The following ELF4 variants were observed in gnomAD, a reference collection of about 807,000 sequenced individuals.
ELF4 encodes the protein ETS-related transcription factor Elf-4.
A neutral mutation model predicts 31.7 loss-of-function variants in ELF4; 10 were observed. The ratio of observed to expected loss-of-function variants is 0.32; its 90% CI spans 0.19 to 0.54. The LOEUF is 0.54. ELF4 is among the 20% of genes least tolerant of loss of function. The pLI, the probability that ELF4 is intolerant of heterozygous loss-of-function variation, is 0.95. For synonymous variants in ELF4, 208 were observed against 226.7 expected, an observed-to-expected ratio of 0.92 and a Z score of 0.74; for missense variants, 418 against 522.0, an observed-to-expected ratio of 0.80 and a Z score of 1.94.
chrX:130,096,568 C>A, intron 1 of ELF4, among the ~76,000 whole-genome samples: 1 of 111,780 alleles, frequency 8.9e-6, no homozygotes, highest in Non-Finnish European at 1.9e-5. Flanking sequence ...GAAGTGTATG[C>A]TTTAAGAGGA....
chrX:130,070,947 A>G, intron 7 of ELF4, 93 bp downstream of exon 7: 4 of 1,115,005 alleles, frequency 3.6e-6, no homozygotes, highest in Non-Finnish European at 4.9e-6. Context: ...AGGATCAATC[A>G]GGTCTCCATG....
chrX:130,110,116 C>A (rs1452259096), intron 1 of ELF4, among the ~76,000 whole-genome samples: 2 of 111,750 alleles, frequency 1.8e-5, no homozygotes, highest in South Asian at 3.7e-4. Context: ...CTCGGGGAAT[C>A]CATTCCACTT....
chrX:130,082,184 C>T lies in ELF4; in HGVS notation c.-209-645G>A, dbSNP rs111228507. Reference sequence around the variant, plus strand: ...GGGGTGGTCACACCCATGCCTGCCTCGCTGTGGGGGTTGTATTGTGTGAGG... The same window carrying T: ...GGGGTGGTCACACCCATGCCTGCCTTGCTGTGGGGGTTGTATTGTGTGAGG... On this transcript the variant is annotated intron_variant, in intron 1 of 8. Coordinates refer to ENST00000308167, the MANE Select transcript of ELF4 (RefSeq NM_001421.4). 6.1e-3 allele frequency among the ~76,000 whole-genome samples: 678 copies of T among 111,195 alleles called. 6 individuals carry two copies. Among genetic ancestry groups the T allele is most frequent in the African/African-American group, 0.02 (624 of 30,533 alleles).
chrX:130,068,086 A>G (rs1932731126), intron 8 of ELF4, among the ~76,000 whole-genome samples: 2 of 112,258 alleles, frequency 1.8e-5, no homozygotes, highest in South Asian at 3.6e-4. Flanking sequence ...TGCTGGGATT[A>G]CAGGTGTGAG....
At chrX:130,079,231 G>A (rs1332825616) in intron 2 of ELF4, among the ~76,000 whole-genome samples, 3 of 110,670 alleles carry the variant, frequency 2.7e-5, no homozygotes, top group Admixed American at 9.6e-5. Context: ...GGCGAGGCGG[G>A]TGGATCACCT....
At chrX:130,110,510 C>T, upstream of ELF4, 1 of 109,256 alleles carries the variant, frequency 9.2e-6, no homozygotes, top group Non-Finnish European at 1.9e-5. Context: ...AAGTTGAGCG[C>T]GGCGCCCGGT....
chrX:130,105,007 A>C (rs1333626670), intron 1 of ELF4, among the ~76,000 whole-genome samples: 3 of 70,241 alleles, frequency 4.3e-5, no homozygotes, highest in African/African-American at 1.6e-4. Context: ...AAAAAATACA[A>C]AAAAAAAAGA....
chrX:130,072,981 G>T (rs760980990), intron 4 of ELF4, among the ~76,000 whole-genome samples: 27 of 112,199 alleles, frequency 2.4e-4, no homozygotes, highest in Admixed American at 5.7e-4. Flanking sequence ...CAATCTGGGG[G>T]AACCCTCCTG....
At chrX:130,067,589 A>C in intron 8 of ELF4, 64 bp from the exon 9 acceptor site, 1 of 1,055,138 alleles carries the variant, frequency 9.5e-7, no homozygotes, top group East Asian at 3.0e-5. Flanking sequence ...GTTAGGAAGG[A>C]GGGCACGAGA....
chrX:130,093,268 G>A (rs1433325752), intron 1 of ELF4, among the ~76,000 whole-genome samples: 1 of 104,836 alleles, frequency 9.5e-6, no homozygotes, highest in Non-Finnish European at 1.9e-5. Flanking sequence ...TCGCGCCATT[G>A]CACTCCAGCC....
intron 4 of ELF4, 49 bp from the exon 5 acceptor site, chrX:130,072,466 C>T (rs759271568): frequency 9.4e-6 from 11 of 1,173,875 alleles, no homozygotes; most frequent in South Asian, 3.6e-5. Flanking sequence ...AGGGCTGGAG[C>T]GGGGTCTCCC....
intron 8 of ELF4, among the ~76,000 whole-genome samples, chrX:130,068,386 A>G (rs1422543654): frequency 8.9e-6 from 1 of 112,246 alleles, no homozygotes; most frequent in Non-Finnish European, 1.9e-5. Flanking sequence ...TAGTGATTAC[A>G]CAGCCAGTAT....
chrX:130,066,727 G>A lies in ELF4; in HGVS notation c.1986C>T (p.Asp662=). 1 of 1,210,056 alleles carries A rather than the reference G, an allele frequency of 8.3e-7. No homozygotes were observed. Among genetic ancestry groups the A allele is most frequent in the Non-Finnish European group, 1.1e-6 (1 of 895,078 alleles). The part of the protein sequence containing the change: ...PTSLIKMEPH[D]I ...CTTGCCCTGACCCCTTTGCTTATAT[G>A]TCATGGGGCTCCATCTTAATGAGGG... Residue 662 remains aspartate, a synonymous_variant, in exon 9 of 9, where the codon GAC becomes GAT. Transcript: ENST00000308167.
chrX:130,103,607 C>T (rs1019000643), intron 1 of ELF4, among the ~76,000 whole-genome samples: 5 of 112,224 alleles, frequency 4.5e-5, no homozygotes, highest in Middle Eastern at 9.2e-3. Context: ...CTCTGTTATC[C>T]TCAGGGGGCA....
chrX:130,091,754 C>T (rs962798754), intron 1 of ELF4, among the ~76,000 whole-genome samples: 2 of 111,734 alleles, frequency 1.8e-5, no homozygotes, highest in Non-Finnish European at 3.8e-5. Context: ...TCGAGCAGGT[C>T]ACTTCTGCTT....
chrX:130,071,457 C>T, intron 5 of ELF4, 38 bp from the exon 6 acceptor site: 1 of 1,183,430 alleles, frequency 8.5e-7, no homozygotes, highest in Non-Finnish European at 1.1e-6. Flanking sequence ...GAGCAGCTCC[C>T]AAGAGAGGGC....
chrX:130,067,601 G>T, intron 8 of ELF4, 76 bp from the exon 9 acceptor site: 1 of 996,400 alleles, frequency 1.0e-6, no homozygotes, highest in Non-Finnish European at 1.4e-6. Context: ...GGCACGAGAG[G>T]AATGGAGCTG....
chrX:130,099,403 G>A (rs775464149), intron 1 of ELF4, among the ~76,000 whole-genome samples: 5 of 110,799 alleles, frequency 4.5e-5, no homozygotes, highest in African/African-American at 9.9e-5. Flanking sequence ...GTGAAACCCC[G>A]TCTCTACTAA....
rs1229678782 is a variant in ELF4, at chrX:130,069,393, T to G, written c.1094A>C (p.Glu365Ala). Reference sequence around the variant, plus strand: ...CTCCTCGTCTAGCGACGGTCCCAATTCCAGACTCGCAGATGGCTGGAGACC... The same window carrying G: ...CTCCTCGTCTAGCGACGGTCCCAATGCCAGACTCGCAGATGGCTGGAGACC... ...HVGLQPSASL[E>A]LGPSLDEEIP... Residue 365 changes from glutamate to alanine, a missense_variant, in exon 8 of 9, where the codon GAA (glutamate) becomes GCA (alanine). By Grantham distance (107) the Glu-to-Ala change is moderately radical. This residue lies in a region of ELF4 where 260 missense variants were observed against 269.2 expected (regional missense o/e 0.97). Coordinates refer to ENST00000308167, the MANE Select transcript of ELF4 (RefSeq NM_001421.4). 2 of 1,211,593 alleles carry G rather than the reference T, an allele frequency of 1.7e-6. No homozygotes were observed. Among genetic ancestry groups the G allele is most frequent in the African/African-American group, 3.5e-5 (2 of 57,741 alleles).
Sources: gnomAD v4.1 joint callset for allele counts (sites outside exome capture counted in the v4.1 genomes callset) on GRCh38, gnomAD v4.1.1 for gene constraint, gnomAD v4.1.1 regional missense constraint, MANE v1.5 for transcripts, NCBI Gene and HGNC (gene_info 2026-07-23, HGNC 2026-07-21) for gene names.